The following ITPR1 variants were observed in gnomAD, a reference collection of about 807,000 sequenced individuals.
ITPR1 encodes inositol 1,4,5-trisphosphate-gated calcium channel ITPR1.
Under a neutral mutation model 318.4 loss-of-function variants are expected in ITPR1, and 96 were observed. The observed-to-expected ratio is 0.30, with a 90% CI of 0.26 to 0.36. The LOEUF (loss-of-function observed/expected upper bound fraction) is 0.36, where lower values mean the gene tolerates loss of function less well. Ranked by LOEUF, ITPR1 falls within the 10% of genes least tolerant of loss-of-function variation. ITPR1 has a pLI of 1.00. For missense variants in ITPR1, 2,440 were observed against 3,460.2 expected (o/e 0.71, Z 7.40); for synonymous variants, 1,312 against 1,289.9 (o/e 1.02, Z -0.37).
chr3:4,740,164 C>T (rs2043596631), intron 44 of ITPR1, among the ~76,000 whole-genome samples: 1 of 152,166 alleles, frequency 6.6e-6, no homozygotes, highest in Non-Finnish European at 1.5e-5. Context: ...TGGGGACCAC[C>T]TTTGGGGACT....
intron 44 of ITPR1, among the ~76,000 whole-genome samples, chr3:4,758,444 C>G (rs2045178432): frequency 6.6e-6 from 1 of 152,228 alleles, no homozygotes; most frequent in Non-Finnish European, 1.5e-5. Context: ...AGGGGCTCCT[C>G]CCCTAGAATG....
At chr3:4,533,827 A>T (rs1163803106) in intron 4 of ITPR1, among the ~76,000 whole-genome samples, 3 of 152,170 alleles carry the variant, frequency 2.0e-5, no homozygotes, top group Non-Finnish European at 4.4e-5. Context: ...TCAGTTACTG[A>T]CGGGTCGTTT....
chr3:4,750,355 G>A (rs951125053), intron 44 of ITPR1: 2 of 152,036 alleles, frequency 1.3e-5, no homozygotes, highest in East Asian at 3.9e-4. Context: ...ACTTCAAGAT[G>A]ATTCCTATCT....
intron 2 of ITPR1, among the ~76,000 whole-genome samples, chr3:4,495,285 A>G (rs142236291): frequency 3.7e-4 from 56 of 150,098 alleles, no homozygotes; most frequent in African/African-American, 1.3e-3. Flanking sequence ...TAACAGGGTA[A>G]CAGAGGTAGG....
intron 60 of ITPR1, among the ~76,000 whole-genome samples, chr3:4,829,619 C>G (rs928440291): frequency 6.6e-6 from 1 of 152,190 alleles, no homozygotes; most frequent in Non-Finnish European, 1.5e-5. Context: ...TCCTGACTTC[C>G]TGCCAGTTTC....
At chr3:4,780,259 G>A (rs897363313) in intron 49 of ITPR1, among the ~76,000 whole-genome samples, 1 of 151,974 alleles carries the variant, frequency 6.6e-6, no homozygotes, top group African/African-American at 2.4e-5. Context: ...TTCTTTCCTC[G>A]TTTGCTGCTG....
intron 5 of ITPR1, among the ~76,000 whole-genome samples, chr3:4,629,412 A>G (rs536943067): frequency 2.0e-5 from 3 of 152,152 alleles, no homozygotes; most frequent in African/African-American, 7.2e-5. Flanking sequence ...GTTTTTCTCC[A>G]TGATAGCACC....
rs370915148 is a variant in ITPR1 at position 4,559,136 on chromosome 3, T to C, written c.163+38042T>C. 4.6e-5 allele frequency among the ~76,000 whole-genome samples: 7 copies of C among 150,860 alleles called. No homozygotes were observed. The South Asian group carries it at 1.5e-3, about 32-fold the overall frequency. ...GCCTCCTGAGTAGTTAACTACAGCA[T>C]GTGCAACTGTGCCCACCTGAAAAAG... On this transcript the variant is annotated intron_variant, in intron 4 of 61. Coordinates refer to ENST00000649015, the MANE Select transcript of ITPR1 (RefSeq NM_001378452.1).
intron 12 of ITPR1, among the ~76,000 whole-genome samples, chr3:4,657,243 T>C (rs2093730772): frequency 6.6e-6 from 1 of 152,144 alleles, no homozygotes; most frequent in South Asian, 2.1e-4. Context: ...TTTGTTTTAG[T>C]TTTTCTCCTG....
chr3:4,656,178 G>A (rs570325176), intron 12 of ITPR1, among the ~76,000 whole-genome samples: 27 of 152,264 alleles, frequency 1.8e-4, no homozygotes, highest in Middle Eastern at 6.8e-3. Context: ...GGCAAGCGCC[G>A]ACTGCACAAT....
intron 4 of ITPR1, among the ~76,000 whole-genome samples, chr3:4,566,267 C>T (rs1032280861): frequency 6.6e-6 from 1 of 152,150 alleles, no homozygotes; most frequent in Non-Finnish European, 1.5e-5. Flanking sequence ...CTTCTAAGAG[C>T]CACCCTCAAC....
At position 4,697,090 on chromosome 3, in the gene ITPR1, A is replaced by G. The variant is rs3749382; in HGVS notation, c.4282-57A>G. On this transcript the variant is annotated intron_variant, in intron 33 of 61. Transcript: ENST00000649015. ...TCCTTGCTGTGAAGTTGAGGCAGCT[A>G]ATGAGTTCCATACACACCAAGATGG... 760,971 of 1,553,412 alleles carry G rather than the reference A, an allele frequency of 0.49. 197,393 individuals carry two copies. The highest frequency in any genetic ancestry group is 0.55 in the Non-Finnish European group (620,502 of 1,135,590).
At chr3:4,585,415 C>G (rs778274084) in intron 4 of ITPR1, among the ~76,000 whole-genome samples, 1 of 152,046 alleles carries the variant, frequency 6.6e-6, no homozygotes, top group African/African-American at 2.4e-5. Flanking sequence ...ACTACTACTA[C>G]TAACATGCAC....
intron 54 of ITPR1, among the ~76,000 whole-genome samples, chr3:4,804,702 C>T (rs2048449317): frequency 6.6e-6 from 1 of 152,196 alleles, no homozygotes; most frequent in South Asian, 2.1e-4. Context: ...CATCCAGAAT[C>T]AGTGATACTT....
intron 61 of ITPR1, among the ~76,000 whole-genome samples, chr3:4,841,133 A>T (rs1345454382): frequency 6.6e-6 from 1 of 152,232 alleles, no homozygotes; most frequent in East Asian, 1.9e-4. Flanking sequence ...CTGTGCTGGG[A>T]CCACAAAAGA....
intron 61 of ITPR1, among the ~76,000 whole-genome samples, chr3:4,840,028 G>GTTTTTT (rs1392825356): frequency 9.5e-5 from 4 of 42,192 alleles, no homozygotes; most frequent in Non-Finnish European, 1.8e-4. Flanking sequence ...CAGCATAGCT[G>GTTTTTT]CTTTTTTTTT....
At chr3:4,671,790 C>G in intron 20 of ITPR1, 1 of 152,194 alleles carries the variant, frequency 6.6e-6, no homozygotes, top group East Asian at 1.9e-4. Context: ...AATGCCTTTT[C>G]TTGCCTCCTG....
Position 4,647,283 on chromosome 3 carries a change from G to T in ITPR1, c.855+1555G>T, listed in dbSNP as rs190796790. ...CCATCATATGGATACACCACAATTT[G>T]CTAATCTATTCACCTGCTGATGGAC... On this transcript the variant is annotated intron_variant, in intron 10 of 61. Coordinates refer to ENST00000649015, the MANE Select transcript of ITPR1 (RefSeq NM_001378452.1). Among the ~76,000 whole-genome samples the T allele has an allele frequency of 5.3e-5, 8 of 152,058 alleles. No homozygotes were observed. The East Asian group carries it at 1.5e-3, about 29-fold the overall frequency.
At position 4,704,148 on chromosome 3, in the gene ITPR1, C is replaced by T. The variant is rs943068244; in HGVS notation, c.4657+1198C>T. On this transcript the variant is annotated intron_variant, in intron 36 of 61. Transcript: ENST00000649015. ...CTGTTGGAGGCCGGGCGCAGTGGCT[C>T]ATGCCTGTAATCCCAGCACTTTGGG... 3.3e-5 allele frequency among the ~76,000 whole-genome samples: 5 copies of T among 152,318 alleles called. No individual in the cohort carries two copies. The East Asian group carries it at 7.7e-4, about 23-fold the overall frequency.
Sources: gnomAD v4.1 joint callset for allele counts (sites outside exome capture counted in the v4.1 genomes callset) on GRCh38, gnomAD v4.1.1 for gene constraint, MANE v1.5 for transcripts, NCBI Gene and HGNC (gene_info 2026-07-23, HGNC 2026-07-21) for gene names.